Variants in GLI3 observed in about 807,000 individuals in gnomAD.
The protein encoded by GLI3 is GLI family zinc finger 3, also known as transcription activator GLI3.
In GLI3, 20 loss-of-function variants were observed where a neutral mutation model predicts 100.8. The observed-to-expected ratio is 0.20, with a 90% confidence interval of 0.14 to 0.29. The LOEUF (loss-of-function observed/expected upper bound fraction) is 0.29. Ranked by LOEUF, GLI3 falls within the 10% of genes least tolerant of loss-of-function variation. The pLI, the probability that GLI3 is intolerant of heterozygous loss-of-function variation, is 1.00. For missense variants in GLI3, 2,040 were observed against 2,128.5 expected (o/e 0.96, Z 0.82); for synonymous variants, 938 against 860.5 (o/e 1.09, Z -1.58).
At chr7:42,038,867 T>A (rs560325161) in intron 7 of GLI3, among the ~76,000 whole-genome samples, 7 of 152,348 alleles carry the variant, frequency 4.6e-5, no homozygotes, top group Admixed American at 2.0e-4. Flanking sequence ...CTTTTTTTTC[T>A]GAACTGATGA....
At chr7:42,070,178 G>A (rs1264166250) in intron 4 of GLI3, among the ~76,000 whole-genome samples, 1 of 152,222 alleles carries the variant, frequency 6.6e-6, no homozygotes, top group Non-Finnish European at 1.5e-5. Flanking sequence ...GGCTGAATAT[G>A]TAAACTGTTC....
intron 2 of GLI3, 60 bp from the exon 3 acceptor site, chr7:42,148,528 C>A: frequency 6.7e-7 from 1 of 1,491,102 alleles, no homozygotes; most frequent in South Asian, 1.1e-5. Flanking sequence ...ATTAAAAAAC[C>A]ATGATCAATT....
At chr7:42,235,754 A>G (rs1788778491) in intron 1 of GLI3, among the ~76,000 whole-genome samples, 1 of 152,236 alleles carries the variant, frequency 6.6e-6, no homozygotes, top group Non-Finnish European at 1.5e-5. Flanking sequence ...ACCTTTGACT[A>G]AAGGGTTCTT....
intron 2 of GLI3, among the ~76,000 whole-genome samples, chr7:42,179,490 A>G (rs1787548411): frequency 6.6e-6 from 1 of 152,144 alleles, no homozygotes; most frequent in South Asian, 2.1e-4. Context: ...AATCCAACTT[A>G]TATTTGTAAA....
At chr7:42,126,034 A>C (rs1402409151) in intron 3 of GLI3, among the ~76,000 whole-genome samples, 4 of 152,188 alleles carry the variant, frequency 2.6e-5, no homozygotes, top group Admixed American at 6.6e-5. Context: ...GGTTCAACTT[A>C]AAAGGAATTT....
chr7:42,164,269 C>T (rs1370438007), intron 2 of GLI3, among the ~76,000 whole-genome samples: 1 of 152,140 alleles, frequency 6.6e-6, no homozygotes, highest in Non-Finnish European at 1.5e-5. Context: ...ACCTGTAATC[C>T]CAGCACTTTG....
At chr7:42,213,964 G>A (rs535453539) in intron 2 of GLI3, among the ~76,000 whole-genome samples, 6 of 152,312 alleles carry the variant, frequency 3.9e-5, no homozygotes, top group South Asian at 4.1e-4. Flanking sequence ...AAACACACTC[G>A]GGCCTGCAGG....
intron 1 of GLI3, among the ~76,000 whole-genome samples, chr7:42,227,126 C>T (rs975288778): frequency 6.6e-6 from 1 of 152,122 alleles, no homozygotes; most frequent in Non-Finnish European, 1.5e-5. Flanking sequence ...GAAAACATGC[C>T]ACTGTTTTTC....
chr7:42,242,734 T>TGAAA (rs1788937743), upstream of GLI3, among the ~76,000 whole-genome samples: 4 of 152,196 alleles, frequency 2.6e-5, no homozygotes, highest in Admixed American at 2.6e-4. Context: ...TTGTACTAGT[T>TGAAA]GATCTTGTCT....
intron 4 of GLI3, among the ~76,000 whole-genome samples, chr7:42,062,637 C>A (rs923837348): frequency 7.9e-5 from 12 of 151,952 alleles, no homozygotes; most frequent in African/African-American, 2.7e-4. Flanking sequence ...CAGGTTTGTG[C>A]ATTTTATCTT....
intron 2 of GLI3, among the ~76,000 whole-genome samples, chr7:42,182,664 A>ATATATATATACATGTGTGTG (rs1787629075): frequency 1.3e-5 from 1 of 78,318 alleles, no homozygotes; most frequent in Non-Finnish European, 2.5e-5. Context: ...ATATATATAT[A>ATATATATATACATGTGTGTG]TATATATATA....
intron 2 of GLI3, among the ~76,000 whole-genome samples, chr7:42,190,399 G>A (rs1787803802): frequency 6.6e-6 from 1 of 152,076 alleles, no homozygotes; most frequent in Middle Eastern, 3.2e-3. Context: ...ACAGGAAAGA[G>A]TTGTTTGCTT....
Position 41,964,844 on chromosome 7 carries a change from C to G in GLI3, c.4229G>C (p.Ser1410Thr). The part of the protein sequence containing the change: ...DSLALQSGQL[S>T]DTSQTCRVNG... ...CACCCTGCAGGTCTGACTTGTGTCACTGAGCTGTCCTGACTGCAGAGCAAG... is the reference window on the plus strand; with the variant it reads ...CACCCTGCAGGTCTGACTTGTGTCAGTGAGCTGTCCTGACTGCAGAGCAAG... Residue 1410 changes from serine to threonine, a missense_variant, in exon 15 of 15, where the codon AGT (serine) becomes ACT (threonine). Transcript: ENST00000395925. 2 of 1,613,978 alleles carry G rather than the reference C, an allele frequency of 1.2e-6. No homozygotes were observed. Among genetic ancestry groups the G allele is most frequent in the Non-Finnish European group, 1.7e-6 (2 of 1,180,032 alleles).
chr7:42,057,551 TA>T (rs1784487781), intron 4 of GLI3, among the ~76,000 whole-genome samples: 1 of 152,214 alleles, frequency 6.6e-6, no homozygotes, highest in Non-Finnish European at 1.5e-5. Flanking sequence ...GTCATCCACT[TA>T]AAAATTGGAA....
intron 10 of GLI3, among the ~76,000 whole-genome samples, chr7:42,005,661 C>T (rs139702829): frequency 8.0e-4 from 121 of 152,194 alleles, no homozygotes; most frequent in African/African-American, 2.7e-3. Flanking sequence ...GTTCAGACAC[C>T]GACCCATTGG....
intron 2 of GLI3, among the ~76,000 whole-genome samples, chr7:42,181,497 T>C (rs768552226): frequency 6.6e-6 from 1 of 152,074 alleles, no homozygotes; most frequent in East Asian, 1.9e-4. Context: ...CCCGGCTACA[T>C]GGGAGGCTTA....
intron 1 of GLI3, among the ~76,000 whole-genome samples, chr7:42,262,126 C>T (rs551679080): frequency 4.0e-5 from 6 of 150,590 alleles, no homozygotes; most frequent in Admixed American, 1.3e-4. Flanking sequence ...GGTGCAAACA[C>T]GGTTCACTGC....
intron 12 of GLI3, among the ~76,000 whole-genome samples, chr7:41,976,228 A>T (rs1787510192): frequency 6.6e-6 from 1 of 152,218 alleles, no homozygotes; most frequent in African/African-American, 2.4e-5. Context: ...TGCATACTGT[A>T]AAAGCATTTT....
chr7:41,962,872 AAC>A lies in GLI3; in HGVS notation c.*1456_*1457del, dbSNP rs548884793. On this transcript the variant is annotated 3_prime_UTR_variant, in exon 15 of 15. Coordinates refer to ENST00000395925, the MANE Select transcript of GLI3 (RefSeq NM_000168.6). Reference sequence around the variant, plus strand: ...AGGTAGCCTGAGGTGTTAATATTTTAACAGTTTATATAATTTTTTAAAGCAAT... The same window carrying A: ...AGGTAGCCTGAGGTGTTAATATTTTAAGTTTATATAATTTTTTAAAGCAAT... The A allele has an allele frequency of 8.5e-5, 13 of 152,306 alleles. No homozygotes were observed. The South Asian group carries it at 2.3e-3, about 27-fold the overall frequency. The allele number at this position is 152,306 out of a possible 1,614,324, so 9.4% of individuals were successfully genotyped here. A position where few individuals can be genotyped will look rare whatever the true frequency, so the allele number is the denominator to read the frequency against.
Sources: allele counts gnomAD v4.1 joint callset (sites outside exome capture counted in the v4.1 genomes callset), GRCh38; gene constraint gnomAD v4.1.1; transcripts MANE v1.5; gene names NCBI Gene and HGNC (gene_info 2026-07-23, HGNC 2026-07-21).